The following SUCLG2 variants were observed in gnomAD, a reference collection of about 807,000 sequenced individuals.
The protein encoded by SUCLG2 is succinate-CoA ligase GDP-forming subunit beta.
In SUCLG2, 42 loss-of-function variants were observed where a neutral mutation model predicts 47.9. The ratio of observed to expected loss-of-function variants is 0.88; its 90% confidence interval spans 0.69 to 1.14. The LOEUF is 1.14. SUCLG2 is among the 50% of genes most tolerant of loss of function. SUCLG2 has a pLI of 0.00. For synonymous variants in SUCLG2, 195 were observed against 197.3 expected, an observed-to-expected ratio of 0.99 and a Z score of 0.10; for missense variants, 571 against 525.9, an observed-to-expected ratio of 1.09 and a Z score of -0.84.
intron 10 of SUCLG2, among the ~76,000 whole-genome samples, chr3:67,367,334 C>A (rs2106744963): frequency 6.6e-6 from 1 of 152,202 alleles, no homozygotes. Flanking sequence ...GTATAACTTA[C>A]ATAAGTTTTC....
chr3:67,541,581 GA>G (rs1706713346), intron 2 of SUCLG2, among the ~76,000 whole-genome samples: 1 of 152,200 alleles, frequency 6.6e-6, no homozygotes, highest in Non-Finnish European at 1.5e-5. Context: ...AACCAAGTTG[GA>G]AAACACTCTT....
intron 1 of SUCLG2, among the ~76,000 whole-genome samples, chr3:67,648,977 C>T (rs13072200): frequency 0.23 from 35,035 of 152,014 alleles, 4,306 homozygotes; most frequent in Non-Finnish European, 0.28. Flanking sequence ...GCGGGGAAGA[C>T]GGCCAATGAA....
intron 4 of SUCLG2, among the ~76,000 whole-genome samples, chr3:67,523,537 T>G (rs1706176094): frequency 6.6e-6 from 1 of 152,110 alleles, no homozygotes; most frequent in Admixed American, 6.6e-5. Context: ...GGACAATATT[T>G]GAAGCAAAAA....
At chr3:67,630,148 C>T (rs146418350) in intron 1 of SUCLG2, among the ~76,000 whole-genome samples, 18 of 147,460 alleles carry the variant, frequency 1.2e-4, no homozygotes, top group Admixed American at 2.0e-4. Flanking sequence ...GGAATGAAAC[C>T]TACTTTATAA....
At chr3:67,558,959 T>C (rs1707234199) in intron 2 of SUCLG2, among the ~76,000 whole-genome samples, 1 of 152,170 alleles carries the variant, frequency 6.6e-6, no homozygotes, top group Non-Finnish European at 1.5e-5. Flanking sequence ...CTATTCAAGA[T>C]AAGCAGTGTG....
At chr3:67,481,833 G>C (rs187829478) in intron 9 of SUCLG2, among the ~76,000 whole-genome samples, 152 of 152,272 alleles carry the variant, frequency 1.0e-3, no homozygotes, top group Non-Finnish European at 1.6e-3. Flanking sequence ...AATATCGGAT[G>C]GTTTCCTACT....
At chr3:67,495,753 G>C in intron 9 of SUCLG2, 45 bp downstream of exon 9, 2 of 1,609,282 alleles carry the variant, frequency 1.2e-6, no homozygotes, top group Non-Finnish European at 1.7e-6. Context: ...TTGACGGTGA[G>C]AAATTAAAAC....
chr3:67,393,029 T>C (rs1376676676), intron 10 of SUCLG2, among the ~76,000 whole-genome samples: 4 of 150,754 alleles, frequency 2.7e-5, no homozygotes, highest in African/African-American at 9.7e-5. Context: ...AAAAAAAAAT[T>C]GGGGAAGGCA....
intron 2 of SUCLG2, among the ~76,000 whole-genome samples, chr3:67,582,179 T>C (rs999318882): frequency 9.2e-5 from 14 of 152,196 alleles, no homozygotes; most frequent in Non-Finnish European, 1.8e-4. Context: ...AAATTTCATG[T>C]CTCAGGGGTT....
intron 9 of SUCLG2, among the ~76,000 whole-genome samples, chr3:67,465,094 G>T (rs937790470): frequency 1.3e-5 from 2 of 152,176 alleles, no homozygotes; most frequent in Non-Finnish European, 2.9e-5. Flanking sequence ...GAAAAAGTAG[G>T]TAATTCAAAT....
intron 9 of SUCLG2, among the ~76,000 whole-genome samples, chr3:67,419,263 A>C (rs1235735942): frequency 6.6e-6 from 1 of 152,220 alleles, no homozygotes; most frequent in Admixed American, 6.5e-5. Flanking sequence ...AGATACGCTT[A>C]TCACACCCCA....
At chr3:67,424,625 A>C (rs1455933714) in intron 9 of SUCLG2, among the ~76,000 whole-genome samples, 1 of 152,106 alleles carries the variant, frequency 6.6e-6, no homozygotes. Context: ...AAAATAGATA[A>C]TCATGTCTTA....
chr3:67,503,616 C>T (rs1483792069), intron 7 of SUCLG2, among the ~76,000 whole-genome samples: 7 of 152,292 alleles, frequency 4.6e-5, no homozygotes, highest in African/African-American at 1.4e-4. Context: ...TTGTCAACGT[C>T]ACATTAATGA....
chr3:67,642,859 G>A (rs1701124645), intron 1 of SUCLG2, among the ~76,000 whole-genome samples: 1 of 151,924 alleles, frequency 6.6e-6, no homozygotes, highest in South Asian at 2.1e-4. Context: ...CTGTGTGTGT[G>A]TGTGTTATCC....
At chr3:67,545,518 T>A (rs1405475832) in intron 2 of SUCLG2, among the ~76,000 whole-genome samples, 1 of 152,230 alleles carries the variant, frequency 6.6e-6, no homozygotes, top group African/African-American at 2.4e-5. Context: ...TTTTGAAATC[T>A]AAGTCTATTG....
In SUCLG2 at chr3:67,513,967, C is replaced by T. The variant is rs141372148; in HGVS notation, c.660+4280G>A. 49 of 229,758 alleles carry T rather than the reference C, an allele frequency of 2.1e-4. No homozygotes were observed. The Middle Eastern group carries it at 3.3e-3, about 15-fold the overall frequency. The allele number at this position is 229,758 out of a possible 1,614,324, so 14.2% of individuals were successfully genotyped here. A position where few individuals can be genotyped will look rare whatever the true frequency, so the allele number is the denominator to read the frequency against. ...GCCATTCCCAAAGTATACTCCATCG[C>T]GCCTGGCCACTCCACCCTCGACCCT... On this transcript the variant is annotated intron_variant, in intron 6 of 10. Coordinates refer to ENST00000307227, the MANE Select transcript of SUCLG2 (RefSeq NM_003848.4).
Position 67,466,506 on chromosome 3 carries a change from T to A in SUCLG2, c.1062+29292A>T, listed in dbSNP as rs1371616761. On this transcript the variant is annotated intron_variant, in intron 9 of 10. Transcript: ENST00000307227. The stretch of plus-strand genomic sequence containing the variant: ...CCATCTATCTAACTGGCTTTGTAGC[T>A]TTTTAGGCAGTAAAAATAAACTTAG... Among the ~76,000 whole-genome samples, 4 of 152,338 alleles carry A rather than the reference T, an allele frequency of 2.6e-5. No individual in the cohort carries two copies. In the East Asian group the frequency reaches 7.7e-4, roughly 29 times the overall value.
chr3:67,404,335 GGA>G (rs138202963), intron 9 of SUCLG2, among the ~76,000 whole-genome samples: 11 of 149,254 alleles, frequency 7.4e-5, no homozygotes, highest in Admixed American at 1.3e-4. Context: ...AGAGAGCATG[GGA>G]GAGAGAGAGA....
At chr3:67,447,417 C>T (rs1488556356) in intron 9 of SUCLG2, among the ~76,000 whole-genome samples, 2 of 152,116 alleles carry the variant, frequency 1.3e-5, no homozygotes, top group Non-Finnish European at 2.9e-5. Flanking sequence ...GCAGTTATTA[C>T]ATGGCAGGCA....
Sources: allele counts gnomAD v4.1 joint callset (sites outside exome capture counted in the v4.1 genomes callset), GRCh38; gene constraint gnomAD v4.1.1; transcripts MANE v1.5; gene names NCBI Gene and HGNC (gene_info 2026-07-23, HGNC 2026-07-21).